The following CLOCK variants were observed in gnomAD, a reference collection of about 807,000 sequenced individuals.
The protein encoded by CLOCK is clock circadian regulator.
CLOCK carries 43 observed loss-of-function variants against 118.4 expected under a neutral mutation model. That is an observed-to-expected ratio of 0.36 (90% CI 0.28 to 0.47). The LOEUF is 0.47. CLOCK is among the 20% of genes least tolerant of loss of function. The pLI, the probability that CLOCK is intolerant of heterozygous loss-of-function variation, is 1.00. For synonymous variants in CLOCK, 326 were observed against 339.2 expected (o/e 0.96, Z 0.43); for missense variants, 846 against 999.9 (o/e 0.85, Z 2.08).
chr4:55,437,812 C>T (rs1331864617), intron 22 of CLOCK, among the ~76,000 whole-genome samples: 1 of 152,184 alleles, frequency 6.6e-6, no homozygotes, highest in Non-Finnish European at 1.5e-5. Context: ...TATACTACAC[C>T]TCCATGGTAT....
intron 1 of CLOCK, among the ~76,000 whole-genome samples, chr4:55,520,284 ATC>A (rs1255071380): frequency 1.3e-5 from 2 of 152,214 alleles, no homozygotes; most frequent in African/African-American, 4.8e-5. Context: ...CAAGTGAAGT[ATC>A]TGTTTTCTCC....
intron 1 of CLOCK, chr4:55,545,636 TCAGAGACTAGGC>T (rs1425801257): frequency 6.6e-6 from 1 of 152,208 alleles, no homozygotes; most frequent in East Asian, 1.9e-4. Context: ...ATCTGCCAGG[TCAGAGACTAGGC>T]TTTTATCTTG....
intron 8 of CLOCK, among the ~76,000 whole-genome samples, chr4:55,464,275 CCATT>C (rs750932373): frequency 6.0e-4 from 92 of 152,188 alleles, no homozygotes; most frequent in Non-Finnish European, 1.2e-3. Context: ...ATCCTGCATC[CCATT>C]GTACAAAAGC....
intron 3 of CLOCK, 142 bp from the exon 4 acceptor site, chr4:55,482,970 A>G: frequency 2.2e-6 from 1 of 462,816 alleles, no homozygotes; most frequent in South Asian, 4.5e-5. Flanking sequence ...ATTTTCAAGC[A>G]AATACCTATG....
Position 55,442,444 on chromosome 4 carries a change from T to C in CLOCK, c.2093A>G (p.Asp698Gly). ...QSAAVTTFTQ[D>G]RQIRFSQGQQ... ...ATATGACAACTACCTTATCTGCCTGTCCTGAGTGAATGTAGTTACTGCAGC... is the reference window on the plus strand; with the variant it reads ...ATATGACAACTACCTTATCTGCCTGCCCTGAGTGAATGTAGTTACTGCAGC... Residue 698 changes from aspartate (D) to glycine (G), a missense_variant, in exon 21 of 23, where the codon GAC becomes GGC. Asp to Gly is a moderately conservative substitution (Grantham distance 94). Coordinates refer to ENST00000513440, the MANE Select transcript of CLOCK (RefSeq NM_004898.4). 6.2e-7 allele frequency: 1 copy of C among 1,609,326 alleles called. No homozygotes were observed. Among genetic ancestry groups the C allele is most frequent in the Non-Finnish European group, 8.5e-7 (1 of 1,178,408 alleles).
intron 11 of CLOCK, among the ~76,000 whole-genome samples, chr4:55,457,503 C>G (rs957076973): frequency 2.6e-5 from 4 of 152,174 alleles, no homozygotes; most frequent in Non-Finnish European, 4.4e-5. Flanking sequence ...CCACAATTAC[C>G]TTACCAATAC....
At chr4:55,532,769 C>G (rs188384573) in intron 1 of CLOCK, among the ~76,000 whole-genome samples, 1 of 151,930 alleles carries the variant, frequency 6.6e-6, no homozygotes, top group South Asian at 2.1e-4. Context: ...ATCATTTGAG[C>G]CCAGGAGTTC....
At chr4:55,488,519 T>C (rs1208023183) in intron 3 of CLOCK, among the ~76,000 whole-genome samples, 2 of 152,174 alleles carry the variant, frequency 1.3e-5, no homozygotes, top group South Asian at 2.1e-4. Flanking sequence ...CTCCATATAT[T>C]CTCCCCATCA....
At chr4:55,477,487 T>C (rs1344271271) in intron 6 of CLOCK, among the ~76,000 whole-genome samples, 1 of 152,076 alleles carries the variant, frequency 6.6e-6, no homozygotes, top group Non-Finnish European at 1.5e-5. Flanking sequence ...AAAAAAATCC[T>C]AAAATTTTTT....
intron 1 of CLOCK, among the ~76,000 whole-genome samples, chr4:55,538,517 T>C (rs1316097960): frequency 6.6e-6 from 1 of 152,126 alleles, no homozygotes; most frequent in Non-Finnish European, 1.5e-5. Context: ...GGCAGGTCGA[T>C]AGAAAATATC....
intron 1 of CLOCK, among the ~76,000 whole-genome samples, chr4:55,516,393 T>A (rs959281314): frequency 6.6e-6 from 1 of 152,248 alleles, no homozygotes; most frequent in African/African-American, 2.4e-5. Flanking sequence ...GCTGCACAGA[T>A]GTTTAGGACT....
chr4:55,453,430 C>A, intron 14 of CLOCK: 1 of 482,728 alleles, frequency 2.1e-6, no homozygotes, highest in South Asian at 3.9e-5. Context: ...ACTGACATTA[C>A]TACATAAATG....
intron 6 of CLOCK, 133 bp from the exon 7 acceptor site, chr4:55,476,187 T>C: frequency 1.5e-6 from 1 of 670,602 alleles, no homozygotes; most frequent in East Asian, 2.8e-5. Flanking sequence ...TGGGTAGATA[T>C]CAAGAGGTCC....
chr4:55,531,942 C>T (rs28790098), intron 1 of CLOCK, among the ~76,000 whole-genome samples: 47,114 of 150,158 alleles, frequency 0.31, 7,627 homozygotes, highest in Middle Eastern at 0.42. Context: ...CCCAGCAAAC[C>T]AAATTCAACA....
rs865840695 is a variant in CLOCK, at chr4:55,546,087, C to G, written c.-290+695G>C. Among the ~76,000 whole-genome samples the G allele has an allele frequency of 3.9e-5, 6 of 152,324 alleles. No homozygotes were observed. The Middle Eastern group carries it at 0.014, about 348-fold the overall frequency. On this transcript the variant is annotated intron_variant, in intron 1 of 22. Coordinates refer to ENST00000513440, the MANE Select transcript of CLOCK (RefSeq NM_004898.4). ...GGGGTTCCCCGGAGGAGCTGGCCGC[C>G]CCGGCGCCCCATTGGGCGCTGCTCC... is the stretch of plus-strand genomic sequence containing the variant.
Position 55,433,034 on chromosome 4 carries a change from T to A in CLOCK, c.*2381A>T, listed in dbSNP as rs1302035999. The A allele has an allele frequency of 6.6e-6, 1 of 152,594 alleles. No homozygotes were observed. The highest frequency in any genetic ancestry group is 2.4e-5 in the African/African-American group (1 of 41,442). 9.5% of individuals were successfully genotyped at this position (152,594 alleles called of 1,614,324 possible). ...GGCCTCAATATAATAGTTCTTCATA[T>A]CTTTTGTTAGCTAAATCCGTATCAC... On this transcript the variant is annotated 3_prime_UTR_variant, in exon 23 of 23. Transcript: ENST00000513440.
At chr4:55,530,712 T>C (rs910074725) in intron 1 of CLOCK, among the ~76,000 whole-genome samples, 1 of 129,734 alleles carries the variant, frequency 7.7e-6, no homozygotes, top group Non-Finnish European at 1.5e-5. Context: ...GAGGTGGAGG[T>C]TGCAGTGAGC....
intron 1 of CLOCK, among the ~76,000 whole-genome samples, chr4:55,536,113 G>A (rs1212362103): frequency 2.0e-5 from 3 of 152,104 alleles, no homozygotes; most frequent in Non-Finnish European, 4.4e-5. Flanking sequence ...TTTTAAAACC[G>A]TGCAGGGTAA....
intron 1 of CLOCK, among the ~76,000 whole-genome samples, chr4:55,530,541 G>A (rs1439366509): frequency 2.6e-5 from 4 of 151,346 alleles, no homozygotes; most frequent in South Asian, 4.2e-4. Context: ...TTGGGAGGCC[G>A]AGGAGGGTGG....
Sources: gnomAD v4.1 joint callset for allele counts (sites outside exome capture counted in the v4.1 genomes callset) on GRCh38, gnomAD v4.1.1 for gene constraint, MANE v1.5 for transcripts, NCBI Gene and HGNC (gene_info 2026-07-23, HGNC 2026-07-21) for gene names.